ARHGAP22: variants seen among roughly 807,000 people sequenced by gnomAD.
ARHGAP22 encodes the protein rho GTPase-activating protein 22.
A neutral mutation model predicts 59.1 loss-of-function variants in ARHGAP22; 48 were observed. The observed-to-expected ratio is 0.81, with a 90% CI of 0.64 to 1.03. ARHGAP22 has a LOEUF of 1.03. ARHGAP22 is among the 50% of genes least tolerant of loss of function. The pLI is 0.00. For missense variants in ARHGAP22, 1,015 were observed against 958.7 expected (o/e 1.06, Z -0.78); for synonymous variants, 445 against 416.4 (o/e 1.07, Z -0.84).
chr10:48,508,342 G>C (rs1007909776), intron 3 of ARHGAP22, among the ~76,000 whole-genome samples: 1 of 152,238 alleles, frequency 6.6e-6, no homozygotes, highest in Non-Finnish European at 1.5e-5. Flanking sequence ...ACCTGCTGAC[G>C]ACAAGTGGCT....
intron 3 of ARHGAP22, among the ~76,000 whole-genome samples, chr10:48,494,552 C>T (rs570902549): frequency 6.6e-6 from 1 of 152,320 alleles, no homozygotes; most frequent in South Asian, 2.1e-4. Flanking sequence ...TCCATCTGTC[C>T]ACTTGTTCAT....
At chr10:48,653,976 G>T (rs2062658417), upstream of ARHGAP22, among the ~76,000 whole-genome samples, 1 of 152,172 alleles carries the variant, frequency 6.6e-6, no homozygotes, top group African/African-American at 2.4e-5. Context: ...ATTTAACTGG[G>T]TATCCTGTAT....
chr10:48,506,365 G>A (rs2052141091), intron 3 of ARHGAP22, among the ~76,000 whole-genome samples: 1 of 152,216 alleles, frequency 6.6e-6, no homozygotes, highest in South Asian at 2.1e-4. Context: ...GCATGAGACT[G>A]TGTGGAATAC....
chr10:48,579,043 G>A (rs2058945799), intron 2 of ARHGAP22, among the ~76,000 whole-genome samples: 1 of 151,428 alleles, frequency 6.6e-6, no homozygotes, highest in Non-Finnish European at 1.5e-5. Flanking sequence ...CAAAATGTTT[G>A]TACCTTCTTT....
chr10:48,603,229 C>T (rs1302564727), intron 1 of ARHGAP22, among the ~76,000 whole-genome samples: 1 of 152,204 alleles, frequency 6.6e-6, no homozygotes, highest in African/African-American at 2.4e-5. Flanking sequence ...TATGAGAAAT[C>T]CTGGATTTCA....
downstream of ARHGAP22, chr10:48,444,886 C>A (rs549245221): frequency 6.6e-6 from 1 of 152,390 alleles, no homozygotes; most frequent in African/African-American, 2.4e-5. Flanking sequence ...AGCATCTCAA[C>A]ACCAGGGAAA....
chr10:48,536,490 C>T (rs1294764585), intron 3 of ARHGAP22, among the ~76,000 whole-genome samples: 1 of 152,206 alleles, frequency 6.6e-6, no homozygotes, highest in East Asian at 1.9e-4. Context: ...ACCACTGTCC[C>T]CCCACCTGCT....
intron 3 of ARHGAP22, among the ~76,000 whole-genome samples, chr10:48,537,500 TCA>T (rs777144086): frequency 2.0e-5 from 3 of 152,256 alleles, no homozygotes; most frequent in Non-Finnish European, 2.9e-5. Flanking sequence ...GCTGGAATTC[TCA>T]GTCTTTCCTA....
At chr10:48,539,435 G>A (rs2135089307) in intron 3 of ARHGAP22, among the ~76,000 whole-genome samples, 1 of 149,854 alleles carries the variant, frequency 6.7e-6, no homozygotes, top group Non-Finnish European at 1.5e-5. Context: ...GGGACTACAG[G>A]CGCCCGCCAC....
chr10:48,590,607 T>C (rs10857607), intron 1 of ARHGAP22, among the ~76,000 whole-genome samples: 123,858 of 152,174 alleles, frequency 0.81, 50,808 homozygotes, highest in East Asian at 1. Context: ...TGAGCTGCAT[T>C]TGTGCCAGGG....
At chr10:48,483,570 A>ATTT (rs143238028) in intron 3 of ARHGAP22, among the ~76,000 whole-genome samples, 1 of 151,578 alleles carries the variant, frequency 6.6e-6, no homozygotes, top group African/African-American at 2.4e-5. Context: ...TCCAGTGTCT[A>ATTT]TTTTTTTTGT....
chr10:48,524,520 G>A (rs1410666572), intron 3 of ARHGAP22, among the ~76,000 whole-genome samples: 1 of 152,122 alleles, frequency 6.6e-6, no homozygotes, highest in Non-Finnish European at 1.5e-5. Context: ...CCAAGCAGGG[G>A]TGGGGGGCCA....
upstream of ARHGAP22, among the ~76,000 whole-genome samples, chr10:48,609,085 A>G (rs1244494009): frequency 1.3e-5 from 2 of 152,204 alleles, no homozygotes; most frequent in Admixed American, 6.5e-5. Context: ...GCAGTAAATC[A>G]GAGCTTAGAT....
At chr10:48,550,888 G>C (rs549990729) in intron 3 of ARHGAP22, among the ~76,000 whole-genome samples, 27 of 152,164 alleles carry the variant, frequency 1.8e-4, no homozygotes, top group Non-Finnish European at 2.5e-4. Context: ...GGTCCAGAGT[G>C]TGTGCCACTC....
chr10:48,432,258 A>G, the ARHGAP22 span, among the ~76,000 whole-genome samples: 1 of 152,236 alleles, frequency 6.6e-6, no homozygotes, highest in Non-Finnish European at 1.5e-5. Context: ...TAGATGTTGT[A>G]TCTAGCATCT....
intron 1 of ARHGAP22, among the ~76,000 whole-genome samples, chr10:48,623,334 G>A (rs769616001): frequency 5.9e-5 from 9 of 152,254 alleles, no homozygotes; most frequent in African/African-American, 9.6e-5. Context: ...GGAGGGCTGC[G>A]TGGTCACAGT....
At chr10:48,549,541 A>AATT (rs1287841086) in intron 3 of ARHGAP22, among the ~76,000 whole-genome samples, 1 of 152,006 alleles carries the variant, frequency 6.6e-6, no homozygotes, top group East Asian at 1.9e-4. Flanking sequence ...TGTCCACATC[A>AATT]ATTATCTGGG....
intron 2 of ARHGAP22, among the ~76,000 whole-genome samples, chr10:48,578,044 A>T (rs1425913096): frequency 2.0e-5 from 3 of 151,864 alleles, no homozygotes; most frequent in African/African-American, 7.3e-5. Context: ...CCTGACCTCA[A>T]ATGATCTGCC....
the ARHGAP22 span, chr10:48,435,049 GTGGGAGGGA>G: frequency 3.4e-6 from 5 of 1,463,294 alleles, no homozygotes; most frequent in Non-Finnish European, 3.7e-6. Flanking sequence ...CCATCGGGGG[GTGGGAGGGA>G]TGGGGAGTCG....
Sources: gnomAD v4.1 joint callset for allele counts (sites outside exome capture counted in the v4.1 genomes callset) on GRCh38, gnomAD v4.1.1 for gene constraint, MANE v1.5 for transcripts, NCBI Gene and HGNC (gene_info 2026-07-23, HGNC 2026-07-21) for gene names.